MPV17: variants seen among roughly 807,000 people sequenced by gnomAD.
MPV17 encodes the protein mitochondrial inner membrane protein MPV17.
MPV17 carries 31 observed loss-of-function variants against 28.6 expected under a neutral mutation model. The ratio of observed to expected loss-of-function variants is 1.08; its 90% CI spans 0.81 to 1.46. The LOEUF (loss-of-function observed/expected upper bound fraction) is 1.46, where lower values mean the gene tolerates loss of function less well. Ranked by LOEUF, MPV17 falls within the 40% of genes most tolerant of loss-of-function variation. MPV17 has a pLI of 0.00. For missense variants in MPV17, 198 were observed against 216.2 expected (o/e 0.92, Z 0.53); for synonymous variants, 87 against 85.3 (o/e 1.02, Z -0.11).
intron 1 of MPV17, 179 bp from the exon 2 acceptor site, chr2:27,322,701 C>T: frequency 1.6e-6 from 1 of 621,838 alleles, no homozygotes; most frequent in South Asian, 1.9e-5. Flanking sequence ...TCGCCTTAGA[C>T]AATTGGGGAA....
chr2:27,313,283 A>G (rs962188311), intron 2 of MPV17, 174 bp from the exon 3 acceptor site: 31 of 1,400,438 alleles, frequency 2.2e-5, no homozygotes, highest in African/African-American at 7.1e-5. Flanking sequence ...CACCTCCCCA[A>G]TGATGGTGAC....
intron 2 of MPV17, among the ~76,000 whole-genome samples, chr2:27,320,615 T>G (rs1331897188): frequency 6.6e-6 from 1 of 152,180 alleles, no homozygotes; most frequent in Non-Finnish European, 1.5e-5. Flanking sequence ...ATTACAGGTG[T>G]GAGCCACCGC....
At chr2:27,315,919 G>C in intron 2 of MPV17, 2 of 1,441,608 alleles carry the variant, frequency 1.4e-6, no homozygotes, top group Admixed American at 5.6e-5. Flanking sequence ...AAGGAGTGCA[G>C]TTGGAACTGA....
At position 27,313,160 on chromosome 2, in the gene MPV17, A is replaced by G. The variant is rs747143546; in HGVS notation, c.71-51T>C. ...AGGACATCTCCTGGGATGGGCTGCC[A>G]TTCCAAGGAGGGAGGGACATCTGCT... On this transcript the variant is annotated intron_variant, in intron 2 of 7. Transcript: ENST00000380044. 6.4e-5 allele frequency: 103 copies of G among 1,613,460 alleles called. 2 individuals carry two copies. In the South Asian group the frequency reaches 1.1e-3, roughly 17 times the overall value.
At chr2:27,311,646 T>C (rs934750169) in intron 7 of MPV17, 1 of 1,550,418 alleles carries the variant, frequency 6.4e-7, no homozygotes, top group African/African-American at 1.4e-5. Flanking sequence ...TCAGGTGGGA[T>C]GGAGACAAGG....
rs1241439136 is a variant in MPV17 at position 27,309,825 on chromosome 2, C to G, written c.*87G>C. The G allele has an allele frequency of 8.9e-7, 1 of 1,124,220 alleles. No homozygotes were observed. The highest frequency in any genetic ancestry group is 1.5e-5 in the African/African-American group (1 of 65,502). 69.6% of individuals were successfully genotyped at this position (1,124,220 alleles called of 1,614,324 possible). A position where few individuals can be genotyped will look rare whatever the true frequency, so the allele number is the denominator to read the frequency against. On this transcript the variant is annotated 3_prime_UTR_variant, in exon 8 of 8. Transcript: ENST00000380044. The stretch of plus-strand genomic sequence containing the variant: ...GACCGGCAACCCAACCCCGTGGAAA[C>G]TGGTATGCCCACTTTGAGGAGGTTG...
At chr2:27,322,778 G>C (rs1030425348) in intron 1 of MPV17, among the ~76,000 whole-genome samples, 2 of 152,210 alleles carry the variant, frequency 1.3e-5, no homozygotes, top group Non-Finnish European at 2.9e-5. Flanking sequence ...CCTCATTCCT[G>C]AAGCCAGACC....
chr2:27,316,977 C>G, intron 2 of MPV17: 1 of 1,160,868 alleles, frequency 8.6e-7, no homozygotes, highest in Non-Finnish European at 1.2e-6. Flanking sequence ...AATTTGGGAC[C>G]ACTTCCTGCC....
In MPV17 at chr2:27,317,102, G is replaced by A. The variant is rs532966259; in HGVS notation, c.71-3993C>T. Reference sequence around the variant, plus strand: ...CTTTTGTGGCTTTTGAGTTTCATGCGCAGAAGGCAGAGGGGCAAGAAGTGG... The same window carrying A: ...CTTTTGTGGCTTTTGAGTTTCATGCACAGAAGGCAGAGGGGCAAGAAGTGG... On this transcript the variant is annotated intron_variant, in intron 2 of 7. Transcript: ENST00000380044. The surrounding 1 kb of genome is among the most constrained non-coding windows in gnomAD (Gnocchi z 4.0). The A allele has an allele frequency of 8.2e-5, 127 of 1,548,956 alleles. No individual in the cohort carries two copies. The African/African-American group carries it at 1.5e-3, about 18-fold the overall frequency.
rs2148220448 is a variant in MPV17, at chr2:27,317,234, T to C, written c.71-4125A>G. ...GCAGTGCTGCCTTCCTCCCCAGAAG[T>C]CTGCAAACATTAGTTAGCTGCCTAG... On this transcript the variant is annotated intron_variant, in intron 2 of 7. Transcript: ENST00000380044. This position sits in a 1 kb window ranked among gnomAD's most constrained non-coding sequence, Gnocchi z 4.0. 1 of 1,542,094 alleles carries C rather than the reference T, an allele frequency of 6.5e-7. No individual in the cohort carries two copies. Among genetic ancestry groups the C allele is most frequent in the East Asian group, 2.5e-5 (1 of 40,690 alleles).
intron 1 of MPV17, 60 bp from the exon 2 acceptor site, chr2:27,322,582 G>A: frequency 2.2e-6 from 3 of 1,394,430 alleles, no homozygotes; most frequent in Admixed American, 1.7e-5. Context: ...CTAAGAAGCC[G>A]CCTGACATTC....
chr2:27,322,386 C>T (rs1006179660), intron 2 of MPV17, 62 bp downstream of exon 2: 142 of 1,403,080 alleles, frequency 1.0e-4, no homozygotes, highest in Non-Finnish European at 1.4e-4. Flanking sequence ...TGCAGTGGGG[C>T]AAGCCTCTGG....
intron 5 of MPV17, 68 bp from the exon 6 acceptor site, chr2:27,312,314 T>C (rs1225506903): frequency 6.5e-7 from 1 of 1,547,938 alleles, no homozygotes; most frequent in Non-Finnish European, 8.9e-7. Context: ...CCAGTATGAA[T>C]GTCACACACA....
intron 1 of MPV17, among the ~76,000 whole-genome samples, 199 bp downstream of exon 1, chr2:27,322,853 G>A (rs988246841): frequency 6.6e-6 from 1 of 152,194 alleles, no homozygotes; most frequent in Admixed American, 6.5e-5. Context: ...CTTCTACCCA[G>A]AGCTTGGGTG....
At chr2:27,312,396 C>T (rs1271903177) in intron 5 of MPV17, 98 bp downstream of exon 5, 1 of 1,461,104 alleles carries the variant, frequency 6.8e-7, no homozygotes, top group African/African-American at 1.4e-5. Flanking sequence ...GGGGCCCTAC[C>T]TGCACTTACC....
chr2:27,320,563 T>C (rs911654843), intron 2 of MPV17, among the ~76,000 whole-genome samples: 3 of 152,166 alleles, frequency 2.0e-5, no homozygotes, highest in Middle Eastern at 3.2e-3. Flanking sequence ...CTCGATCTCC[T>C]GACCTCGTGA....
chr2:27,311,955 C>T lies in MPV17; in HGVS notation c.409-4G>A, dbSNP rs1679458460. ...CTAACTGCACAGCAGGCCATAGCTG[C>T]AAGAGAAAATGTAAAGGTTGGATGG... On this transcript the variant is annotated splice_region_variant and splice_polypyrimidine_tract_variant and intron_variant, in intron 6 of 7. Coordinates refer to ENST00000380044, the MANE Select transcript of MPV17 (RefSeq NM_002437.5). 6.2e-7 allele frequency: 1 copy of T among 1,613,264 alleles called. No homozygotes were observed.
intron 2 of MPV17, among the ~76,000 whole-genome samples, chr2:27,314,994 T>C (rs1222722543): frequency 6.6e-6 from 1 of 152,194 alleles, no homozygotes; most frequent in Non-Finnish European, 1.5e-5. Context: ...CTACTGGCCA[T>C]GGAGCAGCTC....
chr2:27,313,443 T>C (rs1679536731), intron 2 of MPV17: 1 of 576,838 alleles, frequency 1.7e-6, no homozygotes, highest in East Asian at 2.9e-5. Context: ...ACTGTCAGAA[T>C]CAAAAGGGGC....
Sources: allele counts gnomAD v4.1 joint callset (sites outside exome capture counted in the v4.1 genomes callset), GRCh38; gene constraint gnomAD v4.1.1; non-coding constraint Gnocchi (gnomAD v3.1); transcripts MANE v1.5; gene names NCBI Gene and HGNC (gene_info 2026-07-23, HGNC 2026-07-21).